Variants in NCOR2 observed in about 807,000 individuals in gnomAD.
The protein encoded by NCOR2 is nuclear receptor corepressor 2.
Under a neutral mutation model 262.9 loss-of-function variants are expected in NCOR2, and 81 were observed. The observed-to-expected ratio is 0.31, with a 90% CI of 0.26 to 0.37. NCOR2 has a LOEUF of 0.37. Ranked by LOEUF, NCOR2 falls within the 10% of genes least tolerant of loss-of-function variation. The pLI, the probability that NCOR2 is intolerant of heterozygous loss-of-function variation, is 1.00. For synonymous variants in NCOR2, 1,659 were observed against 1,559.3 expected, an observed-to-expected ratio of 1.06 and a Z score of -1.51; for missense variants, 3,385 against 3,621.4, an observed-to-expected ratio of 0.93 and a Z score of 1.68.
chr12:124,436,993 G>A (rs1189960823), intron 8 of NCOR2, among the ~76,000 whole-genome samples: 1 of 152,150 alleles, frequency 6.6e-6, no homozygotes, highest in Non-Finnish European at 1.5e-5. Flanking sequence ...GGCTGAGGCA[G>A]GAGAATTGCT....
intron 12 of NCOR2, 38 bp downstream of exon 14, chr12:124,422,463 G>A: frequency 5.6e-6 from 9 of 1,612,952 alleles, no homozygotes; most frequent in East Asian, 2.2e-5. Context: ...GCCCACGGAG[G>A]TGGAGACCGA....
chr12:124,517,457 G>C lies in NCOR2; in HGVS notation c.-118+18108C>G, dbSNP rs1384542614. Among the ~76,000 whole-genome samples the C allele has an allele frequency of 1.3e-5, 2 of 152,226 alleles. No homozygotes were observed. Among genetic ancestry groups the C allele is most frequent in the Non-Finnish European group, 2.9e-5 (2 of 68,034 alleles). On this transcript the variant is annotated intron_variant, in intron 1 of 46. Coordinates refer to the NCOR2 transcript ENST00000404621. This position sits in a 1 kb window ranked among gnomAD's most constrained non-coding sequence, Gnocchi z 7.6. Reference sequence around the variant, plus strand: ...CGCTGCCAAGTCCCTGGGCAAGCCTGGGCCGGTGGCGCTGATTTCAAACCA... The same window carrying C: ...CGCTGCCAAGTCCCTGGGCAAGCCTCGGCCGGTGGCGCTGATTTCAAACCA...
rs1366188897 is a variant in NCOR2 at position 124,468,327 on chromosome 12, ATCATCC to A, written c.592-2047_592-2042del. Among the ~76,000 whole-genome samples, 7 of 22,124 alleles carry A rather than the reference ATCATCC, an allele frequency of 3.2e-4. 1 individual carries two copies. The highest frequency in any genetic ancestry group is 9.7e-4 in the Admixed American group (2 of 2,072). 14.5% of individuals were successfully genotyped at this position (22,124 alleles called of 152,430 possible). A position where few individuals can be genotyped will look rare whatever the true frequency, so the allele number is the denominator to read the frequency against. On this transcript the variant is annotated intron_variant, in intron 4 of 46. Transcript: ENST00000405201. ...CACCCTCATCATCCTCATCACCCTC[ATCATCC>A]TCATCCTCCTCACCCCCATCATCCT...
rs1204258133 is a variant in NCOR2, at chr12:124,433,845, T to TAC, written c.883-3060_883-3059dup. The stretch of plus-strand genomic sequence containing the variant: ...CTTCCCTCCCTCCCTCTCTCTGTCT[T>TAC]ACACACACACACACACACACACACA... On this transcript the variant is annotated intron_variant, in intron 8 of 46. Coordinates refer to ENST00000405201, the Ensembl canonical transcript of NCOR2. Among the ~76,000 whole-genome samples the TAC allele has an allele frequency of 1.4e-3, 26 of 18,278 alleles. 1 individual carries two copies. The highest frequency in any genetic ancestry group is 0.042 in the Middle Eastern group (1 of 24). 12.0% of individuals were successfully genotyped at this position (18,278 alleles called of 152,430 possible).
Position 124,531,276 on chromosome 12 carries a change from T to C in NCOR2, c.-118+4289A>G, listed in dbSNP as rs1376404087. On this transcript the variant is annotated intron_variant, in intron 1 of 46. Coordinates refer to the NCOR2 transcript ENST00000404621. This position sits in a 1 kb window ranked among gnomAD's most constrained non-coding sequence, Gnocchi z 4.5. ...GGGAGGGGGCTGCAGGGATGGGGGCTCTGCACCAGCTCCCACAGGCCTGTC... is the reference window on the plus strand; with the variant it reads ...GGGAGGGGGCTGCAGGGATGGGGGCCCTGCACCAGCTCCCACAGGCCTGTC... Among the ~76,000 whole-genome samples the C allele has an allele frequency of 6.6e-6, 1 of 152,170 alleles. No individual in the cohort carries two copies. Among genetic ancestry groups the C allele is most frequent in the Non-Finnish European group, 1.5e-5 (1 of 68,024 alleles).
At chr12:124,446,734 T>A (rs1348614597) in intron 7 of NCOR2, among the ~76,000 whole-genome samples, 1 of 152,176 alleles carries the variant, frequency 6.6e-6, no homozygotes, top group Non-Finnish European at 1.5e-5. Flanking sequence ...AATTTAATGA[T>A]AACCAGATTG....
rs1278442424 is a variant in NCOR2, at chr12:124,340,286, T to A, written c.5488+8A>T. 1 of 1,609,978 alleles carries A rather than the reference T, an allele frequency of 6.2e-7. No homozygotes were observed. On this transcript the variant is annotated splice_region_variant and intron_variant, in intron 36 of 46. Coordinates refer to ENST00000405201, the Ensembl canonical transcript of NCOR2. Reference sequence around the variant, plus strand: ...CCGGAGCGGGGGGTGGGGGCTCTGATGCCCTACCAGGTCTCCAGATGGGTG... The same window carrying A: ...CCGGAGCGGGGGGTGGGGGCTCTGAAGCCCTACCAGGTCTCCAGATGGGTG...
At chr12:124,510,090 G>T (rs1010275766) in intron 1 of NCOR2, among the ~76,000 whole-genome samples, 2 of 152,192 alleles carry the variant, frequency 1.3e-5, no homozygotes, top group African/African-American at 4.8e-5. Flanking sequence ...GCATGTCTTG[G>T]GGCCATCCCT....
chr12:124,355,155 C>T, intron 24 of NCOR2: 2 of 613,590 alleles, frequency 3.3e-6, no homozygotes, highest in Non-Finnish European at 5.7e-6. Flanking sequence ...TTTGCCCTTC[C>T]ATTTCGCAGT....
intron 1 of NCOR2, among the ~76,000 whole-genome samples, chr12:124,522,467 T>C (rs1593963673): frequency 6.6e-6 from 1 of 152,152 alleles, no homozygotes; most frequent in Non-Finnish European, 1.5e-5. Flanking sequence ...GCTCCTGGCG[T>C]TCCTTCCGTC....
chr12:124,501,701 C>G (rs1443058587), intron 1 of NCOR2, among the ~76,000 whole-genome samples: 1 of 152,180 alleles, frequency 6.6e-6, no homozygotes, highest in Admixed American at 6.5e-5. Flanking sequence ...CGGTTGTGAC[C>G]TCATCTTAAC....
chr12:124,473,938 C>A (rs1331013902), intron 3 of NCOR2, among the ~76,000 whole-genome samples: 1 of 152,192 alleles, frequency 6.6e-6, no homozygotes, highest in Admixed American at 6.5e-5. Context: ...CCAGCCATCA[C>A]CCATTCTCCA....
chr12:124,430,826 C>T (rs1163167244), intron 8 of NCOR2, 39 bp from the exon 11 acceptor site: 2 of 1,559,258 alleles, frequency 1.3e-6, no homozygotes, highest in Admixed American at 1.9e-5. Context: ...GATGCTCCTG[C>T]ACCTGGCACC....
rs1436185490 is a variant in NCOR2 at position 124,334,442 on chromosome 12, T to G, written c.6587A>C (p.His2196Pro). Residue 2196 changes from histidine to proline, a missense_variant, in exon 41 of 47, where the codon CAC becomes CCC. Transcript: ENST00000405201. ...CGCTCACCTCTTGCCCCCTTCGCTG[T>G]GGGGGGAGCCACGGGCCGGGGCACC... 2.0e-6 allele frequency: 3 copies of G among 1,498,574 alleles called. No individual in the cohort carries two copies. The African/African-American group carries it at 4.4e-5, about 22-fold the overall frequency. The allele number at this position is 1,498,574 out of a possible 1,614,324, so 92.8% of individuals were successfully genotyped here.
chr12:124,385,532 G>T (rs1045693360), intron 17 of NCOR2, among the ~76,000 whole-genome samples: 1 of 152,154 alleles, frequency 6.6e-6, no homozygotes, highest in Non-Finnish European at 1.5e-5. Context: ...GGCCCGGCCC[G>T]TCTCCAAGGC....
chr12:124,413,591 G>T (rs2042705476), intron 13 of NCOR2, among the ~76,000 whole-genome samples: 1 of 152,076 alleles, frequency 6.6e-6, no homozygotes, highest in Non-Finnish European at 1.5e-5. Context: ...ATGTGGCCTG[G>T]AGCCACGGGC....
exon 20 of NCOR2, chr12:124,372,324 G>T (rs1443972154): frequency 1.3e-6 from 2 of 1,524,920 alleles, no homozygotes; most frequent in South Asian, 1.3e-5. Flanking sequence ...CCTCCACTGG[G>T]GGCGCTGCTG....
At chr12:124,476,819 G>A (rs1251072198) in intron 3 of NCOR2, among the ~76,000 whole-genome samples, 5 of 151,388 alleles carry the variant, frequency 3.3e-5, no homozygotes, top group Non-Finnish European at 2.9e-5. Flanking sequence ...GTGAAGGGCT[G>A]GACATGGAGG....
In NCOR2 at chr12:124,401,122, G is replaced by A. The variant is rs950180153; in HGVS notation, c.1641-449C>T. ...GCTACTTGGGAAGCTAAGGTAGGGGGATCTCTTGAGCCTGGGAGGTCGAGG... is the reference window on the plus strand; with the variant it reads ...GCTACTTGGGAAGCTAAGGTAGGGGAATCTCTTGAGCCTGGGAGGTCGAGG... On this transcript the variant is annotated intron_variant, in intron 14 of 46. Transcript: ENST00000405201. 1.4e-4 allele frequency among the ~76,000 whole-genome samples: 22 copies of A among 151,772 alleles called. 1 individual carries two copies. Among genetic ancestry groups the A allele is most frequent in the Admixed American group, 1.1e-3 (16 of 15,224 alleles).
Sources: gnomAD v4.1 joint callset for allele counts (sites outside exome capture counted in the v4.1 genomes callset) on GRCh38, gnomAD v4.1.1 for gene constraint, Gnocchi (gnomAD v3.1) non-coding constraint, MANE v1.5 for transcripts, NCBI Gene and HGNC (gene_info 2026-07-23, HGNC 2026-07-21) for gene names.